Variants in TENM3 observed in about 807,000 individuals in gnomAD.
TENM3 encodes teneurin transmembrane protein 3.
TENM3 carries 63 observed loss-of-function variants against 255.1 expected under a neutral mutation model. That is an observed-to-expected ratio of 0.25 (90% confidence interval 0.20 to 0.30). The LOEUF is 0.30. Among genes scored for constraint, TENM3 ranks in the 10% least tolerant of loss-of-function variants. TENM3 has a pLI of 1.00. For synonymous variants in TENM3, 1,306 were observed against 1,322.3 expected (o/e 0.99, Z 0.27); for missense variants, 2,929 against 3,461.1 (o/e 0.85, Z 3.86).
intron 1 of TENM3, among the ~76,000 whole-genome samples, chr4:182,227,457 G>A (rs1242586887): frequency 1.5e-5 from 2 of 134,638 alleles, no homozygotes; most frequent in Non-Finnish European, 3.5e-5. Flanking sequence ...TGGCTGCATG[G>A]CCATCATTAT....
At chr4:182,767,534 T>A (rs1256215841) in intron 22 of TENM3, among the ~76,000 whole-genome samples, 1 of 152,176 alleles carries the variant, frequency 6.6e-6, no homozygotes, top group African/African-American at 2.4e-5. Context: ...TACGCAACTC[T>A]GTTAGATGGA....
chr4:181,627,838 T>C, the TENM3 span, among the ~76,000 whole-genome samples: 11,513 of 152,232 alleles, frequency 0.076, 492 homozygotes, highest in East Asian at 0.15. Context: ...TTATAATCCT[T>C]TGGGTATATG....
At chr4:182,718,823 A>C (rs1267214207) in intron 13 of TENM3, among the ~76,000 whole-genome samples, 2 of 152,188 alleles carry the variant, frequency 1.3e-5, no homozygotes, top group Non-Finnish European at 2.9e-5. Context: ...GCGAAGACTC[A>C]TTCGGCAAGG....
the TENM3 span, among the ~76,000 whole-genome samples, chr4:182,017,787 C>T: frequency 6.6e-6 from 1 of 152,136 alleles, no homozygotes; most frequent in Non-Finnish European, 1.5e-5. Flanking sequence ...ACATTAGCAC[C>T]TGAACTGGAA....
chr4:181,643,720 A>T, the TENM3 span, among the ~76,000 whole-genome samples: 2 of 152,216 alleles, frequency 1.3e-5, no homozygotes, highest in African/African-American at 4.8e-5. Context: ...TGAGCACCGC[A>T]TAAGAGAATG....
chr4:182,789,086 G>C lies in TENM3; in HGVS notation c.5305-7G>C. On this transcript the variant is annotated splice_region_variant and splice_polypyrimidine_tract_variant and intron_variant, in intron 24 of 27. Coordinates refer to ENST00000511685, the MANE Select transcript of TENM3 (RefSeq NM_001080477.4). The surrounding 1 kb of genome is among the most constrained non-coding windows in gnomAD (Gnocchi z 4.4). ...TTTATTTTATCATCTTGTTGGTGTT[G>C]TAACAGGTTAATGGCAGAAACCTCC... is the stretch of plus-strand genomic sequence containing the variant. 1 of 1,599,742 alleles carries C rather than the reference G, an allele frequency of 6.3e-7. No homozygotes were observed. Among genetic ancestry groups the C allele is most frequent in the Non-Finnish European group, 8.5e-7 (1 of 1,170,120 alleles).
the TENM3 span, among the ~76,000 whole-genome samples, chr4:181,687,447 T>C: frequency 6.6e-6 from 1 of 152,210 alleles, no homozygotes; most frequent in Non-Finnish European, 1.5e-5. Context: ...CATAGTCTTA[T>C]AAAATGCTGA....
At chr4:182,417,197 C>T (rs1190022563) in intron 3 of TENM3, among the ~76,000 whole-genome samples, 1 of 151,950 alleles carries the variant, frequency 6.6e-6, no homozygotes, top group Non-Finnish European at 1.5e-5. Context: ...AGGATGGTCT[C>T]GATCTCCTGA....
the TENM3 span, among the ~76,000 whole-genome samples, chr4:182,002,693 C>G: frequency 6.6e-6 from 1 of 151,968 alleles, no homozygotes; most frequent in Non-Finnish European, 1.5e-5. Flanking sequence ...CCAAGTGGAC[C>G]TCAAAAAACT....
At chr4:182,057,443 C>T in the TENM3 span, among the ~76,000 whole-genome samples, 2 of 142,588 alleles carry the variant, frequency 1.4e-5, no homozygotes, top group Non-Finnish European at 3.0e-5. Flanking sequence ...AAGTCTCTTG[C>T]TCCATGGCCC....
intron 3 of TENM3, among the ~76,000 whole-genome samples, chr4:182,415,410 A>G (rs144216171): frequency 6.6e-6 from 1 of 152,266 alleles, no homozygotes; most frequent in East Asian, 1.9e-4. Flanking sequence ...CTCTGAAATT[A>G]TTTTGCTCTG....
chr4:182,332,393 A>G (rs1395256855), intron 2 of TENM3, among the ~76,000 whole-genome samples: 2 of 152,134 alleles, frequency 1.3e-5, no homozygotes, highest in African/African-American at 4.8e-5. Context: ...TATACTATAT[A>G]TTTAAGAAAT....
intron 3 of TENM3, among the ~76,000 whole-genome samples, chr4:182,417,830 T>C (rs1473525626): frequency 6.6e-6 from 1 of 152,194 alleles, no homozygotes; most frequent in East Asian, 1.9e-4. Context: ...TTTTCTTTGT[T>C]TTTAACATAG....
At chr4:181,563,002 A>G in the TENM3 span, among the ~76,000 whole-genome samples, 2 of 152,326 alleles carry the variant, frequency 1.3e-5, no homozygotes, top group African/African-American at 4.8e-5. Flanking sequence ...GGAGTTGCGT[A>G]CGATACTTTT....
the TENM3 span, among the ~76,000 whole-genome samples, chr4:181,983,492 A>G: frequency 6.6e-6 from 1 of 152,302 alleles, no homozygotes; most frequent in Non-Finnish European, 1.5e-5. Flanking sequence ...CTTCTGTCTC[A>G]GCAACAGAAA....
chr4:181,613,060 T>C, the TENM3 span, among the ~76,000 whole-genome samples: 1 of 152,220 alleles, frequency 6.6e-6, no homozygotes, highest in East Asian at 1.9e-4. Flanking sequence ...CTCTAATGCC[T>C]ATCATGCCGT....
At chr4:182,063,385 T>C in the TENM3 span, among the ~76,000 whole-genome samples, 1 of 152,216 alleles carries the variant, frequency 6.6e-6, no homozygotes, top group African/African-American at 2.4e-5. Context: ...TTGCATACAG[T>C]AATTTCTTTT....
intron 4 of TENM3, among the ~76,000 whole-genome samples, chr4:182,615,063 A>ATGTG (rs1206231563): frequency 2.4e-5 from 3 of 124,194 alleles, no homozygotes; most frequent in African/African-American, 8.7e-5. Context: ...ATATATATAT[A>ATGTG]TATGTATTTT....
chr4:182,309,647 C>T (rs1762327410), intron 1 of TENM3, among the ~76,000 whole-genome samples: 1 of 152,172 alleles, frequency 6.6e-6, no homozygotes, highest in Non-Finnish European at 1.5e-5. Context: ...ATGACATAGT[C>T]CCTCTGAATA....
Sources: allele counts gnomAD v4.1 joint callset (sites outside exome capture counted in the v4.1 genomes callset), GRCh38; gene constraint gnomAD v4.1.1; non-coding constraint Gnocchi (gnomAD v3.1); transcripts MANE v1.5; gene names NCBI Gene and HGNC (gene_info 2026-07-23, HGNC 2026-07-21).